The following ZFHX3 variants were observed in gnomAD, a reference collection of about 807,000 sequenced individuals.
ZFHX3 encodes zinc finger homeobox 3.
ZFHX3 carries 42 observed loss-of-function variants against 279.1 expected under a neutral mutation model. The ratio of observed to expected loss-of-function variants is 0.15; its 90% CI spans 0.12 to 0.19. ZFHX3 has a LOEUF of 0.19. Ranked by LOEUF, ZFHX3 falls within the 10% of genes least tolerant of loss-of-function variation. ZFHX3 has a pLI of 1.00. For missense variants in ZFHX3, 4,981 were observed against 4,754.0 expected, an observed-to-expected ratio of 1.05 and a Z score of -1.40; for synonymous variants, 2,293 against 1,957.8, an observed-to-expected ratio of 1.17 and a Z score of -4.52.
At chr16:73,354,027 G>T (rs1398306795) in intron 3 of ZFHX3, among the ~76,000 whole-genome samples, 1 of 152,114 alleles carries the variant, frequency 6.6e-6, no homozygotes, top group African/African-American at 2.4e-5. Context: ...GCTCAGAGAG[G>T]TTATAACTTA....
At chr16:73,865,517 T>C (rs1179954210) in intron 1 of ZFHX3, among the ~76,000 whole-genome samples, 1 of 152,204 alleles carries the variant, frequency 6.6e-6, no homozygotes, top group Non-Finnish European at 1.5e-5. Context: ...AACTCTCTTA[T>C]ATTCTAGATA....
intron 3 of ZFHX3, among the ~76,000 whole-genome samples, chr16:72,899,419 C>T (rs934615812): frequency 6.6e-6 from 1 of 152,192 alleles, no homozygotes; most frequent in Non-Finnish European, 1.5e-5. Flanking sequence ...CTCCCCTTTC[C>T]ATCATGATTG....
chr16:73,106,246 G>C (rs1211190896), intron 7 of ZFHX3, among the ~76,000 whole-genome samples: 1 of 151,994 alleles, frequency 6.6e-6, no homozygotes, highest in Non-Finnish European at 1.5e-5. Context: ...TGGGTCCTAG[G>C]TGGCTGGATG....
intron 3 of ZFHX3, among the ~76,000 whole-genome samples, chr16:73,395,347 C>G (rs1264211945): frequency 3.3e-5 from 5 of 151,952 alleles, no homozygotes; most frequent in Non-Finnish European, 7.4e-5. Flanking sequence ...GCCTGTAGTC[C>G]CAGCTACTCA....
intron 1 of ZFHX3, among the ~76,000 whole-genome samples, chr16:73,041,902 T>G (rs528547023): frequency 7.2e-5 from 11 of 152,226 alleles, no homozygotes; most frequent in Admixed American, 3.9e-4. Context: ...CATTGCTTCT[T>G]GAGTAGTTAA....
intron 1 of ZFHX3, among the ~76,000 whole-genome samples, chr16:73,033,533 G>T (rs1015257883): frequency 6.6e-6 from 1 of 150,858 alleles, no homozygotes; most frequent in African/African-American, 2.4e-5. Context: ...GCAGGCGGGG[G>T]GTGGGGGGGG....
chr16:73,080,800 C>G (rs977671942), intron 8 of ZFHX3, among the ~76,000 whole-genome samples: 7 of 152,048 alleles, frequency 4.6e-5, no homozygotes, highest in Non-Finnish European at 8.8e-5. Flanking sequence ...GCTCTGGTCT[C>G]GAACTCCTGG....
In ZFHX3 at chr16:73,164,598, G is replaced by A. The variant is rs966492943; in HGVS notation, c.-1103-20767C>T. ...GCCTGTAATCTCAGCTACTCAGGAG[G>A]CTGAGGCAGGAGAATGGCTTGAACC... On this transcript the variant is annotated intron_variant, in intron 5 of 17. Coordinates refer to the ZFHX3 transcript ENST00000641206. 2.6e-5 allele frequency among the ~76,000 whole-genome samples: 4 copies of A among 152,048 alleles called. No individual in the cohort carries two copies. The East Asian group carries it at 7.7e-4, about 29-fold the overall frequency.
At chr16:73,463,169 C>T (rs554662433) in intron 2 of ZFHX3, among the ~76,000 whole-genome samples, 5 of 152,304 alleles carry the variant, frequency 3.3e-5, no homozygotes, top group African/African-American at 1.2e-4. Flanking sequence ...ACCTTAAAAT[C>T]ATTTGCTATT....
In ZFHX3 at chr16:73,817,385, G is replaced by A. The variant is rs566633522; in HGVS notation, c.-1608+74266C>T. ...CTACTTCTCAAAGTTGCTCTGGCAGGTCAATATCCTGTCATCACTAATCCT... is the reference window on the plus strand; with the variant it reads ...CTACTTCTCAAAGTTGCTCTGGCAGATCAATATCCTGTCATCACTAATCCT... On this transcript the variant is annotated intron_variant, in intron 1 of 17. Coordinates refer to the ZFHX3 transcript ENST00000641206. Among the ~76,000 whole-genome samples, 4 of 152,268 alleles carry A rather than the reference G, an allele frequency of 2.6e-5. No individual in the cohort carries two copies. The South Asian group carries it at 8.3e-4, about 32-fold the overall frequency.
At chr16:73,131,875 C>T (rs1233013166) in intron 6 of ZFHX3, among the ~76,000 whole-genome samples, 1 of 152,172 alleles carries the variant, frequency 6.6e-6, no homozygotes, top group Non-Finnish European at 1.5e-5. Flanking sequence ...GGCTCACCTA[C>T]CTCCTGGAGC....
At chr16:73,518,329 G>A (rs1388597147) in intron 2 of ZFHX3, among the ~76,000 whole-genome samples, 1 of 152,180 alleles carries the variant, frequency 6.6e-6, no homozygotes, top group Non-Finnish European at 1.5e-5. Context: ...TTATTTCCCT[G>A]AATAAGGACA....
intron 1 of ZFHX3, among the ~76,000 whole-genome samples, chr16:73,028,637 G>T (rs561878391): frequency 6.6e-6 from 1 of 152,144 alleles, no homozygotes; most frequent in Non-Finnish European, 1.5e-5. Flanking sequence ...AACCTCAACC[G>T]CTCGGAGGGA....
Position 72,788,203 on chromosome 16 carries a change from C to G in ZFHX3, c.10073G>C (p.Gly3358Ala), listed in dbSNP as rs762937287. Reference sequence around the variant, plus strand: ...TTGCTGGTACTGCTGCAGTAGGGAGCCTGGGGACAGCCCCATCAGGGCCTG... The same window carrying G: ...TTGCTGGTACTGCTGCAGTAGGGAGGCTGGGGACAGCCCCATCAGGGCCTG... ...LSQALMGLSP[G>A]SLLQQYQQYQ... Residue 3358 changes from glycine to alanine, a missense_variant, in exon 10 of 10, where the codon GGC (glycine) becomes GCC (alanine). Coordinates refer to ENST00000268489, the MANE Select transcript of ZFHX3 (RefSeq NM_006885.4). The G allele has an allele frequency of 1.2e-6, 2 of 1,612,550 alleles. No individual in the cohort carries two copies. Among genetic ancestry groups the G allele is most frequent in the Admixed American group, 1.7e-5 (1 of 59,992 alleles).
At chr16:73,599,203 ATG>A (rs1401566395) in intron 2 of ZFHX3, among the ~76,000 whole-genome samples, 1 of 152,338 alleles carries the variant, frequency 6.6e-6, no homozygotes, top group African/African-American at 2.4e-5. Flanking sequence ...ATCTCACTGC[ATG>A]TCTGTTATCC....
At chr16:73,151,589 T>A (rs77539423) in intron 5 of ZFHX3, among the ~76,000 whole-genome samples, 4,052 of 152,094 alleles carry the variant, frequency 0.027, 77 homozygotes, top group East Asian at 0.1. Flanking sequence ...ATGGCAGTGA[T>A]GAATCAATGC....
rs567053370 is a variant in ZFHX3, at chr16:72,958,769, G to A, written c.1377C>T (p.Ala459=). 120 of 1,613,046 alleles carry A rather than the reference G, an allele frequency of 7.4e-5. No individual in the cohort carries two copies. The South Asian group carries it at 8.8e-4, about 12-fold the overall frequency. The change falls in exon 2 of 10, where the codon GCC becomes GCT. Residue 459 remains alanine (A), a synonymous_variant. Coordinates refer to ENST00000268489, the MANE Select transcript of ZFHX3 (RefSeq NM_006885.4). ...GDCFSEKVEP[A]EEEAEEEEEE... ...CCTCTTCCTCCTCCGCCTCCTCTTC[G>A]GCTGGCTCTACCTTCTCAGAGAAGC...
chr16:73,342,080 T>A (rs1271913012), intron 3 of ZFHX3, among the ~76,000 whole-genome samples: 1 of 149,928 alleles, frequency 6.7e-6, no homozygotes, highest in Non-Finnish European at 1.5e-5. Flanking sequence ...ATGAATTATA[T>A]CTACATAAAG....
At position 73,505,260 on chromosome 16, in the gene ZFHX3, C is replaced by A. The variant is rs192961772; in HGVS notation, c.-1546-49002G>T. On this transcript the variant is annotated intron_variant, in intron 2 of 17. Coordinates refer to the ZFHX3 transcript ENST00000641206. ...CCCGCTCTGCTGTCTAAATGCAGAACGTCAGCCAGTGCACCACCTGATAGT... is the reference window on the plus strand; with the variant it reads ...CCCGCTCTGCTGTCTAAATGCAGAAAGTCAGCCAGTGCACCACCTGATAGT... 9.9e-5 allele frequency among the ~76,000 whole-genome samples: 15 copies of A among 152,184 alleles called. No homozygotes were observed. The South Asian group carries it at 1.9e-3, about 19-fold the overall frequency.
Sources: gnomAD v4.1 joint callset for allele counts (sites outside exome capture counted in the v4.1 genomes callset) on GRCh38, gnomAD v4.1.1 for gene constraint, MANE v1.5 for transcripts, NCBI Gene and HGNC (gene_info 2026-07-23, HGNC 2026-07-21) for gene names.